The following DMRT1 variants were observed in gnomAD, a reference collection of about 807,000 sequenced individuals.
The protein encoded by DMRT1 is doublesex and mab-3 related transcription factor 1.
Under a neutral mutation model 32.3 loss-of-function variants are expected in DMRT1, and 7 were observed. The observed-to-expected ratio is 0.22, with a 90% confidence interval of 0.12 to 0.41. The LOEUF is 0.41. Among genes scored for constraint, DMRT1 ranks in the 10% least tolerant of loss-of-function variants. The pLI, the probability that DMRT1 is intolerant of heterozygous loss-of-function variation, is 1.00. For missense variants in DMRT1, 625 were observed against 500.5 expected (o/e 1.25, Z -2.37); for synonymous variants, 278 against 206.1 (o/e 1.35, Z -2.99).
At chr9:954,513 C>T (rs1819531779) in intron 4 of DMRT1, among the ~76,000 whole-genome samples, 1 of 151,942 alleles carries the variant, frequency 6.6e-6, no homozygotes, top group African/African-American at 2.4e-5. Flanking sequence ...CGAGTCTGAG[C>T]TGGCTAGAGA....
At chr9:957,278 C>T (rs10977815) in intron 4 of DMRT1, among the ~76,000 whole-genome samples, 2,545 of 152,332 alleles carry the variant, frequency 0.017, 26 homozygotes, top group Non-Finnish European at 0.026. Context: ...AATAACATTC[C>T]ATGAATGCCT....
At position 881,966 on chromosome 9, in the gene DMRT1, C is replaced by G. The variant is rs149971191; in HGVS notation, c.539-11946C>G. ...TAAAGAGAGAAATCTCTGTCTTGGC[C>G]GTGAGACAGGCTTTCATGGCCATGA... is the stretch of plus-strand genomic sequence containing the variant. On this transcript the variant is annotated intron_variant, in intron 2 of 4. Coordinates refer to ENST00000382276, the MANE Select transcript of DMRT1 (RefSeq NM_021951.3). Among the ~76,000 whole-genome samples, 382 of 152,302 alleles carry G rather than the reference C, an allele frequency of 2.5e-3. 2 individuals are homozygous for G. The highest frequency in any genetic ancestry group is 8.7e-3 in the African/African-American group (360 of 41,566).
chr9:886,814 G>T (rs1201483557), intron 2 of DMRT1, among the ~76,000 whole-genome samples: 1 of 152,204 alleles, frequency 6.6e-6, no homozygotes, highest in East Asian at 1.9e-4. Context: ...ACACCCCAGT[G>T]TTGAAGCAAA....
At chr9:937,135 G>T (rs534274857) in intron 4 of DMRT1, among the ~76,000 whole-genome samples, 6 of 152,286 alleles carry the variant, frequency 3.9e-5, no homozygotes, top group African/African-American at 1.4e-4. Context: ...CACTAAGCAC[G>T]GTGTTTTCAA....
intron 2 of DMRT1, among the ~76,000 whole-genome samples, chr9:890,733 G>C (rs1437999587): frequency 1.3e-5 from 2 of 151,848 alleles, no homozygotes; most frequent in Admixed American, 6.6e-5. Flanking sequence ...TTTTTTATTT[G>C]AGACAGAGTC....
At chr9:865,581 G>T (rs548798908) in intron 2 of DMRT1, among the ~76,000 whole-genome samples, 5 of 152,068 alleles carry the variant, frequency 3.3e-5, no homozygotes, top group Non-Finnish European at 7.4e-5. Context: ...GAATGAGCCC[G>T]GATATGATTT....
At chr9:891,846 A>G (rs1245185509) in intron 2 of DMRT1, among the ~76,000 whole-genome samples, 1 of 152,180 alleles carries the variant, frequency 6.6e-6, no homozygotes, top group Non-Finnish European at 1.5e-5. Context: ...TTTAACTCAC[A>G]TTATTTTTGA....
chr9:894,629 G>A (rs764241985), intron 3 of DMRT1: 4 of 287,014 alleles, frequency 1.4e-5, no homozygotes, highest in Non-Finnish European at 2.7e-5. Context: ...AAGCCTTCTG[G>A]GTGGCAGTAA....
At chr9:963,483 G>A (rs1320459152) in intron 4 of DMRT1, among the ~76,000 whole-genome samples, 1 of 152,048 alleles carries the variant, frequency 6.6e-6, no homozygotes, top group Admixed American at 6.5e-5. Context: ...TTCTCAGCTT[G>A]TGGTTTCTAA....
intron 4 of DMRT1, 64 bp downstream of exon 4, chr9:916,971 C>A: frequency 1.9e-6 from 3 of 1,569,866 alleles, no homozygotes; most frequent in East Asian, 2.2e-5. Flanking sequence ...AGTATTGGGT[C>A]ATTAGCTGTG....
intron 3 of DMRT1, among the ~76,000 whole-genome samples, chr9:911,214 C>T (rs1024277561): frequency 5.3e-5 from 8 of 152,076 alleles, no homozygotes; most frequent in African/African-American, 1.9e-4. Flanking sequence ...CCACTAGATG[C>T]CAGCATCAAC....
chr9:968,121 C>A lies in DMRT1; in HGVS notation c.1104C>A (p.Val368=). The change falls in exon 5 of 5, where the codon GTC becomes GTA. Residue 368 remains valine (V), a synonymous_variant. Coordinates refer to ENST00000382276, the MANE Select transcript of DMRT1 (RefSeq NM_021951.3). ...SEPSSFTVTP[V]IEEDE is the part of the protein sequence containing the mutation. ...CCAGCAGCTTCACAGTCACTCCCGTCATCGAGGAGGACGAGTGAGCAGTGC... is the reference window on the plus strand; with the variant it reads ...CCAGCAGCTTCACAGTCACTCCCGTAATCGAGGAGGACGAGTGAGCAGTGC... 6.2e-7 allele frequency: 1 copy of A among 1,613,038 alleles called. No homozygotes were observed. The highest frequency in any genetic ancestry group is 8.5e-7 in the Non-Finnish European group (1 of 1,179,992).
intron 2 of DMRT1, among the ~76,000 whole-genome samples, chr9:873,416 C>T (rs1172755410): frequency 2.6e-5 from 4 of 151,998 alleles, no homozygotes; most frequent in Admixed American, 2.6e-4. Flanking sequence ...AGTGATTCTC[C>T]TGCCTCAGAC....
At chr9:903,619 C>T (rs564137405) in intron 3 of DMRT1, among the ~76,000 whole-genome samples, 12 of 152,144 alleles carry the variant, frequency 7.9e-5, no homozygotes, top group African/African-American at 2.4e-4. Context: ...GAAGTTTAGC[C>T]GCTGAGCCCA....
At chr9:906,075 G>C (rs1817767560) in intron 3 of DMRT1, among the ~76,000 whole-genome samples, 5 of 151,796 alleles carry the variant, frequency 3.3e-5, no homozygotes, top group Non-Finnish European at 7.4e-5. Flanking sequence ...CCAAATCCAT[G>C]TACTTTAGGG....
intron 2 of DMRT1, among the ~76,000 whole-genome samples, chr9:850,545 C>T (rs1215045533): frequency 6.6e-6 from 1 of 152,194 alleles, no homozygotes; most frequent in Non-Finnish European, 1.5e-5. Flanking sequence ...CCCCAACCTG[C>T]AGGTCTGTTT....
At chr9:875,283 A>G (rs889682717) in intron 2 of DMRT1, among the ~76,000 whole-genome samples, 3 of 152,158 alleles carry the variant, frequency 2.0e-5, no homozygotes, top group African/African-American at 7.2e-5. Context: ...CTAGTGGTTG[A>G]CGCAGTTACA....
At chr9:869,004 C>T (rs541088269) in intron 2 of DMRT1, among the ~76,000 whole-genome samples, 117 of 152,134 alleles carry the variant, frequency 7.7e-4, no homozygotes, top group African/African-American at 2.7e-3. Flanking sequence ...GAGTGAGACA[C>T]TATCTGAAAA....
intron 4 of DMRT1, among the ~76,000 whole-genome samples, chr9:922,438 G>A (rs1289110594): frequency 6.6e-6 from 1 of 152,150 alleles, no homozygotes; most frequent in East Asian, 1.9e-4. Context: ...CCCAGCTGGT[G>A]ATGAAGAGAC....
Sources: allele counts gnomAD v4.1 joint callset (sites outside exome capture counted in the v4.1 genomes callset), GRCh38; gene constraint gnomAD v4.1.1; transcripts MANE v1.5; gene names NCBI Gene and HGNC (gene_info 2026-07-23, HGNC 2026-07-21).